The following TBC1D5 variants were observed in gnomAD, a reference collection of about 807,000 sequenced individuals.
TBC1D5 encodes the protein TBC1 domain family member 5, also known as TBC1 domain family, member 5.
Under a neutral mutation model 100.3 loss-of-function variants are expected in TBC1D5, and 75 were observed. The ratio of observed to expected loss-of-function variants is 0.75; its 90% CI spans 0.62 to 0.91. The LOEUF is 0.91. Ranked by LOEUF, TBC1D5 falls within the 40% of genes least tolerant of loss-of-function variation. The pLI, the probability that TBC1D5 is intolerant of heterozygous loss-of-function variation, is 0.00. For synonymous variants in TBC1D5, 323 were observed against 325.6 expected (o/e 0.99, Z 0.09); for missense variants, 910 against 942.4 (o/e 0.97, Z 0.45).
intron 18 of TBC1D5, among the ~76,000 whole-genome samples, chr3:17,190,214 A>G (rs760116594): frequency 1.3e-5 from 2 of 152,206 alleles, no homozygotes; most frequent in African/African-American, 2.4e-5. Context: ...TGTGAGAAAT[A>G]CAATAATGAC....
intron 1 of TBC1D5, among the ~76,000 whole-genome samples, chr3:17,679,932 C>T (rs2069209764): frequency 6.6e-6 from 1 of 151,324 alleles, no homozygotes; most frequent in Non-Finnish European, 1.5e-5. Context: ...ATGCCAAAAA[C>T]ACTCTCACAA....
chr3:17,659,506 T>C (rs765068894), intron 1 of TBC1D5, among the ~76,000 whole-genome samples: 29 of 152,230 alleles, frequency 1.9e-4, no homozygotes, highest in Non-Finnish European at 4.1e-4. Flanking sequence ...TCTATTCTGC[T>C]AGTTGCGTAT....
At chr3:17,215,402 T>C (rs945524850) in intron 17 of TBC1D5, among the ~76,000 whole-genome samples, 1 of 152,098 alleles carries the variant, frequency 6.6e-6, no homozygotes, top group African/African-American at 2.4e-5. Context: ...CAACTTCCAA[T>C]TTTTGGCCTA....
chr3:17,417,964 C>T (rs568338766), intron 4 of TBC1D5, among the ~76,000 whole-genome samples: 8 of 152,046 alleles, frequency 5.3e-5, no homozygotes, highest in Admixed American at 1.3e-4. Context: ...CACTTGGGCA[C>T]GTCATCTGCA....
intron 14 of TBC1D5, among the ~76,000 whole-genome samples, chr3:17,306,775 CTTT>C (rs2083447254): frequency 1.3e-5 from 2 of 151,894 alleles, no homozygotes; most frequent in Non-Finnish European, 2.9e-5. Flanking sequence ...TTTCTCATTC[CTTT>C]TATTATTATT....
chr3:17,705,182 T>A (rs1265409282), intron 1 of TBC1D5, among the ~76,000 whole-genome samples: 2 of 85,228 alleles, frequency 2.3e-5, no homozygotes. Context: ...ACGGCACGGC[T>A]GGCCAGGCGG....
chr3:17,195,450 T>C (rs563313060), intron 18 of TBC1D5, among the ~76,000 whole-genome samples: 5 of 152,230 alleles, frequency 3.3e-5, no homozygotes, highest in Non-Finnish European at 5.9e-5. Flanking sequence ...ACCATCTGCG[T>C]GCTCTCCCTT....
chr3:17,334,622 A>G (rs956970695), intron 13 of TBC1D5, among the ~76,000 whole-genome samples: 6 of 152,184 alleles, frequency 3.9e-5, no homozygotes, highest in African/African-American at 1.4e-4. Flanking sequence ...GATGCCTTCA[A>G]AGAAAGCCTA....
At chr3:17,317,900 T>A (rs1223462121) in intron 13 of TBC1D5, among the ~76,000 whole-genome samples, 1 of 152,036 alleles carries the variant, frequency 6.6e-6, no homozygotes. Context: ...GGATTATAAA[T>A]CATGCTGCTA....
At chr3:17,171,573 A>T (rs756961163) in intron 19 of TBC1D5, among the ~76,000 whole-genome samples, 8 of 152,120 alleles carry the variant, frequency 5.3e-5, no homozygotes, top group African/African-American at 9.7e-5. Flanking sequence ...GCATCGCTCC[A>T]GTCTTCGCAT....
chr3:17,414,944 G>A (rs1015951577), intron 4 of TBC1D5, among the ~76,000 whole-genome samples: 3 of 152,178 alleles, frequency 2.0e-5, no homozygotes, highest in Non-Finnish European at 2.9e-5. Flanking sequence ...GGTGAAACAT[G>A]TTATCATATG....
At chr3:17,267,268 T>A (rs1277438820) in intron 15 of TBC1D5, among the ~76,000 whole-genome samples, 1 of 152,138 alleles carries the variant, frequency 6.6e-6, no homozygotes, top group Non-Finnish European at 1.5e-5. Context: ...AGTAGGAGTT[T>A]AGGTCTACAA....
chr3:17,364,144 T>C (rs1452038399), intron 13 of TBC1D5, among the ~76,000 whole-genome samples: 1 of 152,138 alleles, frequency 6.6e-6, no homozygotes, highest in East Asian at 1.9e-4. Context: ...GCTATTCATG[T>C]ATGTTTTCTA....
intron 1 of TBC1D5, among the ~76,000 whole-genome samples, chr3:17,673,105 G>C (rs1237024123): frequency 6.6e-6 from 1 of 152,100 alleles, no homozygotes; most frequent in Non-Finnish European, 1.5e-5. Flanking sequence ...GAATATTTCA[G>C]TTAGGTAACC....
At chr3:17,702,088 G>A (rs2073297735) in intron 1 of TBC1D5, 1 of 152,068 alleles carries the variant, frequency 6.6e-6, no homozygotes, top group African/African-American at 2.4e-5. Flanking sequence ...TATTAGCTAA[G>A]GCTGAATATA....
intron 14 of TBC1D5, among the ~76,000 whole-genome samples, chr3:17,297,607 A>G (rs1306204463): frequency 6.6e-6 from 1 of 151,716 alleles, no homozygotes; most frequent in East Asian, 1.9e-4. Flanking sequence ...TTGGAGACAC[A>G]TCTCATTCTT....
At chr3:17,703,952 T>C (rs2073588893) in intron 1 of TBC1D5, among the ~76,000 whole-genome samples, 1 of 147,860 alleles carries the variant, frequency 6.8e-6, no homozygotes, top group Non-Finnish European at 1.5e-5. Flanking sequence ...TTGATAATTC[T>C]TGGGTGTTTC....
intron 14 of TBC1D5, among the ~76,000 whole-genome samples, chr3:17,304,391 A>G (rs562254790): frequency 3.9e-5 from 6 of 152,178 alleles, no homozygotes; most frequent in Admixed American, 2.6e-4. Flanking sequence ...AACAAAGAAG[A>G]TATTTTCTCT....
intron 8 of TBC1D5, among the ~76,000 whole-genome samples, chr3:17,397,419 T>G (rs1290159593): frequency 6.6e-6 from 1 of 152,152 alleles, no homozygotes; most frequent in Non-Finnish European, 1.5e-5. Flanking sequence ...TTACCCAGGC[T>G]GGAGTGCACT....
Sources: gnomAD v4.1 joint callset for allele counts (sites outside exome capture counted in the v4.1 genomes callset) on GRCh38, gnomAD v4.1.1 for gene constraint, MANE v1.5 for transcripts, NCBI Gene and HGNC (gene_info 2026-07-23, HGNC 2026-07-21) for gene names.